Variants in WAPL observed in about 807,000 individuals in gnomAD.
The protein encoded by WAPL is WAPL cohesin release factor.
In WAPL, 5 loss-of-function variants were observed where a neutral mutation model predicts 121.0. That is an observed-to-expected ratio of 0.04 (90% CI 0.02 to 0.09). The LOEUF (loss-of-function observed/expected upper bound fraction) is 0.09. Among genes scored for constraint, WAPL ranks in the 10% least tolerant of loss-of-function variants. The pLI, the probability that WAPL is intolerant of heterozygous loss-of-function variation, is 1.00. For synonymous variants in WAPL, 480 were observed against 481.5 expected, an observed-to-expected ratio of 1.00 and a Z score of 0.04; for missense variants, 999 against 1,410.8, an observed-to-expected ratio of 0.71 and a Z score of 4.68.
chr10:86,495,322 C>T (rs1842128964), intron 4 of WAPL, among the ~76,000 whole-genome samples: 1 of 152,028 alleles, frequency 6.6e-6, no homozygotes, highest in Admixed American at 6.6e-5. Flanking sequence ...CAAAAATTAG[C>T]CAGGTATCAT....
In WAPL at chr10:86,437,302, G is replaced by A; in HGVS notation, c.*241C>T. 1 of 476,046 alleles carries A rather than the reference G, an allele frequency of 2.1e-6. No homozygotes were observed. Among genetic ancestry groups the A allele is most frequent in the Non-Finnish European group, 3.7e-6 (1 of 270,434 alleles). The allele number at this position is 476,046 out of a possible 1,614,324, so 29.5% of individuals were successfully genotyped here. ...AAGTAAATGTATTTAAATACTGCATGGAATTGTTAACAGCCTGAACCTTTT... is the reference window on the plus strand; with the variant it reads ...AAGTAAATGTATTTAAATACTGCATAGAATTGTTAACAGCCTGAACCTTTT... On this transcript the variant is annotated 3_prime_UTR_variant, in exon 19 of 19. Transcript: ENST00000298767.
At chr10:86,521,323 G>A (rs1303807102) in intron 1 of WAPL, 42 bp downstream of exon 1, 5 of 256,214 alleles carry the variant, frequency 2.0e-5, no homozygotes, top group East Asian at 3.6e-4. Flanking sequence ...CCACCCTCCC[G>A]GCTCCCTCCC....
chr10:86,499,594 T>A (rs1842207777), intron 3 of WAPL, 124 bp downstream of exon 3: 1 of 921,642 alleles, frequency 1.1e-6, no homozygotes, highest in East Asian at 2.7e-5. Flanking sequence ...GATCTTTATC[T>A]TATTATACTG....
rs374234200 is a variant in WAPL at position 86,470,979 on chromosome 10, A to G, written c.2142+13T>C. 3 of 1,610,386 alleles carry G rather than the reference A, an allele frequency of 1.9e-6. No individual in the cohort carries two copies. The highest frequency in any genetic ancestry group is 2.5e-6 in the Non-Finnish European group (3 of 1,177,626). The stretch of plus-strand genomic sequence containing the variant: ...AACATAAGGCTTCTCAATCTCAGAA[A>G]CTTAAAAAATACCTGATGGTGCTGG... On this transcript the variant is annotated intron_variant, in intron 8 of 18. Transcript: ENST00000298767.
rs1222076647 is a variant in WAPL, at chr10:86,446,516, TAA to T, written c.3115-69_3115-68del. The T allele has an allele frequency of 1.9e-5, 28 of 1,468,982 alleles. 1 individual carries two copies. The South Asian group carries it at 2.3e-4, about 12-fold the overall frequency. 91.0% of individuals were successfully genotyped at this position (1,468,982 alleles called of 1,614,324 possible). ...CAATCAATATGCATATATGCAAATA[TAA>T]AGTTATAGTTGCTTTTAAATCTATC... On this transcript the variant is annotated intron_variant, in intron 15 of 18. Transcript: ENST00000298767.
In WAPL at chr10:86,435,659, C is replaced by CA. The variant is rs1021465249; in HGVS notation, c.*1883dup. ...CGACAATTAGTTATTATTTAAAAAA[C>CA]AAAACAAAACAAAAAACTGTTAAAC... On this transcript the variant is annotated 3_prime_UTR_variant, in exon 19 of 19. Transcript: ENST00000298767. The CA allele has an allele frequency of 1.7e-4, 25 of 150,052 alleles. No individual in the cohort carries two copies. Among genetic ancestry groups the CA allele is most frequent in the African/African-American group, 6.1e-4 (25 of 40,758 alleles). 9.3% of individuals were successfully genotyped at this position (150,052 alleles called of 1,614,324 possible).
intron 15 of WAPL, among the ~76,000 whole-genome samples, chr10:86,450,722 G>GTTACTGATCAGTTACTGT (rs1475349297): frequency 1.3e-5 from 2 of 152,142 alleles, no homozygotes; most frequent in East Asian, 3.8e-4. Flanking sequence ...TTACTGATAA[G>GTTACTGATCAGTTACTGT]TAATGATAAT....
intron 8 of WAPL, among the ~76,000 whole-genome samples, chr10:86,468,471 T>C (rs1469849650): frequency 6.6e-6 from 1 of 150,744 alleles, no homozygotes; most frequent in African/African-American, 2.4e-5. Flanking sequence ...ATGCTAAGAT[T>C]ACAGGCGTGA....
intron 2 of WAPL, among the ~76,000 whole-genome samples, chr10:86,509,318 T>G (rs946654210): frequency 6.6e-6 from 1 of 152,202 alleles, no homozygotes; most frequent in African/African-American, 2.4e-5. Context: ...TCTGCTCAGC[T>G]GCTCACATTA....
intron 4 of WAPL, among the ~76,000 whole-genome samples, chr10:86,488,163 T>G (rs957657622): frequency 6.6e-6 from 1 of 152,164 alleles, no homozygotes; most frequent in Non-Finnish European, 1.5e-5. Context: ...TTGGAAATAT[T>G]AGTGTGAACT....
intron 2 of WAPL, among the ~76,000 whole-genome samples, chr10:86,511,339 A>G (rs1289936201): frequency 6.6e-6 from 1 of 152,226 alleles, no homozygotes; most frequent in Non-Finnish European, 1.5e-5. Flanking sequence ...AACAGAGACA[A>G]GAGGGAATCC....
chr10:86,511,831 C>T (rs571655957), intron 2 of WAPL, among the ~76,000 whole-genome samples: 3 of 151,860 alleles, frequency 2.0e-5, no homozygotes, highest in Admixed American at 6.6e-5. Context: ...CTGGGGAGGC[C>T]GAGGAGGGAA....
At chr10:86,440,227 C>CTA (rs1159545776) in intron 17 of WAPL, among the ~76,000 whole-genome samples, 1 of 151,720 alleles carries the variant, frequency 6.6e-6, no homozygotes, top group Non-Finnish European at 1.5e-5. Context: ...TGAAATATGA[C>CTA]TAAACCTATA....
At chr10:86,453,505 C>G in intron 13 of WAPL, 151 bp downstream of exon 13, 1 of 1,198,620 alleles carries the variant, frequency 8.3e-7, no homozygotes, top group South Asian at 1.6e-5. Flanking sequence ...AATATCAACT[C>G]TTAAAAGCAA....
At chr10:86,515,964 C>T (rs1002938436) in intron 2 of WAPL, among the ~76,000 whole-genome samples, 2 of 134,878 alleles carry the variant, frequency 1.5e-5, no homozygotes, top group Middle Eastern at 4.5e-3. Flanking sequence ...CTCCTGGGTT[C>T]AAGTGATTCT....
intron 16 of WAPL, among the ~76,000 whole-genome samples, chr10:86,444,280 AT>A (rs565661373): frequency 1.3e-5 from 2 of 152,228 alleles, no homozygotes; most frequent in South Asian, 4.1e-4. Context: ...CTGGAAAACA[AT>A]TTGGCATTTT....
At chr10:86,469,941 G>A (rs1237770878) in intron 8 of WAPL, among the ~76,000 whole-genome samples, 1 of 152,082 alleles carries the variant, frequency 6.6e-6, no homozygotes, top group Admixed American at 6.6e-5. Context: ...TTCCCAAAAT[G>A]GATCTGAACT....
intron 4 of WAPL, among the ~76,000 whole-genome samples, chr10:86,476,800 T>C (rs1490465561): frequency 2.0e-5 from 3 of 152,106 alleles, no homozygotes; most frequent in African/African-American, 7.2e-5. Flanking sequence ...CAGAAATATA[T>C]AGCCTACCTA....
chr10:86,473,859 A>G lies in WAPL; in HGVS notation c.1740+19T>C, dbSNP rs773738785. On this transcript the variant is annotated intron_variant, in intron 5 of 18. Coordinates refer to ENST00000298767, the MANE Select transcript of WAPL (RefSeq NM_015045.5). Reference sequence around the variant, plus strand: ...TAGCTTATTAAAAAACACAAAATAAATAAGTACAGTTCACTTACTGTGACA... The same window carrying G: ...TAGCTTATTAAAAAACACAAAATAAGTAAGTACAGTTCACTTACTGTGACA... 11 of 1,573,288 alleles carry G rather than the reference A, an allele frequency of 7.0e-6. No homozygotes were observed. In the South Asian group the frequency reaches 8.9e-5, roughly 13 times the overall value.
Sources: gnomAD v4.1 joint callset for allele counts (sites outside exome capture counted in the v4.1 genomes callset) on GRCh38, gnomAD v4.1.1 for gene constraint, MANE v1.5 for transcripts, NCBI Gene and HGNC (gene_info 2026-07-23, HGNC 2026-07-21) for gene names.